Variants in TENM2 observed in about 807,000 individuals in gnomAD.
TENM2 encodes the protein teneurin-2.
In TENM2, 52 loss-of-function variants were observed where a neutral mutation model predicts 245.2. The ratio of observed to expected loss-of-function variants is 0.21; its 90% confidence interval spans 0.17 to 0.27. The LOEUF is 0.27. TENM2 is among the 10% of genes least tolerant of loss of function. TENM2 has a pLI of 1.00. For synonymous variants in TENM2, 1,363 were observed against 1,438.9 expected (o/e 0.95, Z 1.19); for missense variants, 3,046 against 3,666.8 (o/e 0.83, Z 4.37).
intron 19 of TENM2, among the ~76,000 whole-genome samples, chr5:168,210,970 T>C (rs1270005661): frequency 6.6e-6 from 1 of 152,202 alleles, no homozygotes; most frequent in Non-Finnish European, 1.5e-5. Flanking sequence ...ACTAGTTCTC[T>C]GATAAGAAAT....
At chr5:168,098,472 A>G (rs1793546558) in intron 9 of TENM2, among the ~76,000 whole-genome samples, 1 of 152,088 alleles carries the variant, frequency 6.6e-6, no homozygotes, top group East Asian at 1.9e-4. Flanking sequence ...AAGATTAAGC[A>G]TCTCAGGGTT....
chr5:167,627,393 G>T (rs1177146639), intron 2 of TENM2, among the ~76,000 whole-genome samples: 2 of 152,036 alleles, frequency 1.3e-5, no homozygotes, highest in East Asian at 1.9e-4. Flanking sequence ...GAGTTCACCT[G>T]CTGATATTAA....
At chr5:167,246,025 C>A in the TENM2 span, among the ~76,000 whole-genome samples, 3 of 152,160 alleles carry the variant, frequency 2.0e-5, no homozygotes, top group Admixed American at 2.0e-4. Context: ...TTCCTTTTCC[C>A]ATGGCTACCA....
At chr5:167,961,412 C>G (rs1781003941) in intron 4 of TENM2, among the ~76,000 whole-genome samples, 1 of 152,028 alleles carries the variant, frequency 6.6e-6, no homozygotes, top group South Asian at 2.1e-4. Context: ...TTACAAACTG[C>G]CATAGAGTTT....
At chr5:167,901,823 A>G (rs1775729520) in intron 3 of TENM2, among the ~76,000 whole-genome samples, 1 of 152,188 alleles carries the variant, frequency 6.6e-6, no homozygotes, top group African/African-American at 2.4e-5. Flanking sequence ...AAAATACTAA[A>G]TAGATCCTCT....
intron 2 of TENM2, among the ~76,000 whole-genome samples, chr5:167,732,450 G>A (rs1186076086): frequency 6.6e-6 from 1 of 152,054 alleles, no homozygotes; most frequent in African/African-American, 2.4e-5. Context: ...CAATTATAGG[G>A]GAAGAAAAGA....
At chr5:167,850,397 T>C (rs1421906939) in intron 2 of TENM2, among the ~76,000 whole-genome samples, 1 of 152,160 alleles carries the variant, frequency 6.6e-6, no homozygotes, top group Non-Finnish European at 1.5e-5. Flanking sequence ...CCTGTGAGGC[T>C]GTGGCAGAGT....
exon 19 of TENM2, chr5:168,204,573 T>G: frequency 1.2e-6 from 2 of 1,614,002 alleles, no homozygotes; most frequent in Non-Finnish European, 1.7e-6. Flanking sequence ...TTCAATTACA[T>G]CCGACGCATC....
intron 2 of TENM2, among the ~76,000 whole-genome samples, chr5:167,531,347 A>G (rs948833488): frequency 2.0e-5 from 3 of 151,836 alleles, no homozygotes; most frequent in African/African-American, 4.8e-5. Flanking sequence ...ACTGTTTTCT[A>G]TTTTCCCAGC....
chr5:168,079,542 T>C (rs1483693646), intron 7 of TENM2, among the ~76,000 whole-genome samples: 2 of 152,214 alleles, frequency 1.3e-5, no homozygotes, highest in Non-Finnish European at 2.9e-5. Context: ...TTTTTGCCCA[T>C]TCAGTATGAT....
chr5:167,858,447 A>G (rs903429025), intron 2 of TENM2, among the ~76,000 whole-genome samples: 15 of 152,262 alleles, frequency 9.9e-5, no homozygotes, highest in African/African-American at 3.1e-4. Flanking sequence ...CCTCACATGC[A>G]AACTCCTCAC....
At chr5:166,988,671 A>T in the TENM2 span, among the ~76,000 whole-genome samples, 1 of 152,248 alleles carries the variant, frequency 6.6e-6, no homozygotes, top group Admixed American at 6.5e-5. Flanking sequence ...AGAGTCACCA[A>T]AATAAGATAT....
chr5:167,640,489 A>G (rs1163881309), intron 2 of TENM2, among the ~76,000 whole-genome samples: 3 of 152,024 alleles, frequency 2.0e-5, no homozygotes, highest in South Asian at 4.2e-4. Flanking sequence ...GTGGTGGCAC[A>G]TGCCTGTAAT....
chr5:167,602,962 T>C (rs1473504162), intron 2 of TENM2, among the ~76,000 whole-genome samples: 1 of 152,152 alleles, frequency 6.6e-6, no homozygotes, highest in Non-Finnish European at 1.5e-5. Flanking sequence ...CTGTGGGTAA[T>C]GGAAGAAGCC....
chr5:167,645,998 C>T (rs59553526), intron 2 of TENM2, among the ~76,000 whole-genome samples: 5,816 of 151,100 alleles, frequency 0.038, 386 homozygotes, highest in East Asian at 0.28. Context: ...CTCTCCAGGT[C>T]CCCAGATTGC....
chr5:167,117,280 G>A, the TENM2 span, among the ~76,000 whole-genome samples: 2 of 152,176 alleles, frequency 1.3e-5, no homozygotes, highest in African/African-American at 4.8e-5. Flanking sequence ...CAGGCGGGTG[G>A]ATCATGACGT....
At chr5:167,809,604 C>G (rs1403678003) in intron 2 of TENM2, among the ~76,000 whole-genome samples, 1 of 152,150 alleles carries the variant, frequency 6.6e-6, no homozygotes, top group African/African-American at 2.4e-5. Context: ...TCTATATATA[C>G]TTAATACAGA....
Position 167,355,626 on chromosome 5 carries a change from C to A in TENM2, c.227-19572C>A, listed in dbSNP as rs551384109. ...GCGAGGGAGCAAACAAAACCATTGT[C>A]TCCTTTGAAAGCAAAGCTATTTTAA... On this transcript the variant is annotated intron_variant, in intron 1 of 28. Transcript: ENST00000518659. Among the ~76,000 whole-genome samples, 3 of 152,256 alleles carry A rather than the reference C, an allele frequency of 2.0e-5. No individual in the cohort carries two copies. The South Asian group carries it at 6.2e-4, about 32-fold the overall frequency.
At chr5:167,360,150 A>G (rs1206328121) in intron 1 of TENM2, among the ~76,000 whole-genome samples, 1 of 152,166 alleles carries the variant, frequency 6.6e-6, no homozygotes, top group Non-Finnish European at 1.5e-5. Context: ...AAACCTGCAC[A>G]TGTACTGCTC....
Sources: allele counts gnomAD v4.1 joint callset (sites outside exome capture counted in the v4.1 genomes callset), GRCh38; gene constraint gnomAD v4.1.1; transcripts MANE v1.5; gene names NCBI Gene and HGNC (gene_info 2026-07-23, HGNC 2026-07-21).